The following SPSB1 variants were observed in gnomAD, a reference collection of about 807,000 sequenced individuals.
SPSB1 encodes splA/ryanodine receptor domain and SOCS box containing 1, also known as SPRY domain-containing SOCS box protein 1.
SPSB1 carries 8 observed loss-of-function variants against 21.2 expected under a neutral mutation model. The observed-to-expected ratio is 0.38, with a 90% CI of 0.22 to 0.68. SPSB1 has a LOEUF of 0.68. Among genes scored for constraint, SPSB1 ranks in the 30% least tolerant of loss-of-function variants. SPSB1 has a pLI of 0.53. For missense variants in SPSB1, 242 were observed against 377.8 expected (o/e 0.64, Z 2.98); for synonymous variants, 169 against 161.7 (o/e 1.05, Z -0.34).
At chr1:9,334,333 G>A (rs1431828082) in intron 1 of SPSB1, among the ~76,000 whole-genome samples, 12 of 152,086 alleles carry the variant, frequency 7.9e-5, no homozygotes, top group Admixed American at 4.6e-4. Context: ...TGATCCGCCC[G>A]CCTCAACCTG....
At chr1:9,342,256 G>A (rs989613306) in intron 1 of SPSB1, among the ~76,000 whole-genome samples, 3 of 152,220 alleles carry the variant, frequency 2.0e-5, no homozygotes, top group Non-Finnish European at 4.4e-5. Context: ...CACCTGGGCT[G>A]TGCCAGGCCT....
In SPSB1 at chr1:9,367,820, C is replaced by T; in HGVS notation, c.*245C>T. 1 of 555,670 alleles carries T rather than the reference C, an allele frequency of 1.8e-6. No homozygotes were observed. The highest frequency in any genetic ancestry group is 2.3e-5 in the South Asian group (1 of 43,036). 34.4% of individuals were successfully genotyped at this position (555,670 alleles called of 1,614,324 possible). ...CCCTGCATGCCGTCCGTATACAACC[C>T]CTCTTTGAAAAAAGACACAGAGAAT... On this transcript the variant is annotated 3_prime_UTR_variant, in exon 3 of 3. Coordinates refer to ENST00000328089, the MANE Select transcript of SPSB1 (RefSeq NM_025106.4). This position sits in a 1 kb window ranked among gnomAD's most constrained non-coding sequence, Gnocchi z 5.9.
Position 9,356,443 on chromosome 1 carries a change from C to A in SPSB1, c.552C>A (p.Asp184Glu), listed in dbSNP as rs548275117. 1.2e-6 allele frequency: 2 copies of A among 1,614,076 alleles called. No homozygotes were observed. Among genetic ancestry groups the A allele is most frequent in the Non-Finnish European group, 1.7e-6 (2 of 1,180,044 alleles). ...CCTTCCTGGTAGCCCTGGACATGGA[C>A]GACGGGACTCTGAGCTTCATTGTGG... Reference protein sequence around the residue: ...PDSFLVALDMDDGTLSFIVDG... With the variant: ...PDSFLVALDMEDGTLSFIVDG... The change falls in exon 2 of 3, where the codon GAC becomes GAA. Residue 184 changes from aspartate (D) to glutamate (E), a missense_variant. Transcript: ENST00000328089. This position sits in a 1 kb window ranked among gnomAD's most constrained non-coding sequence, Gnocchi z 7.4.
intron 1 of SPSB1, among the ~76,000 whole-genome samples, chr1:9,353,958 GGGAGGGCGA>G (rs1640318716): frequency 6.6e-6 from 1 of 152,006 alleles, no homozygotes; most frequent in Non-Finnish European, 1.5e-5. Flanking sequence ...CATCAGAAAG[GGGAGGGCGA>G]GAAGCATGAC....
At chr1:9,359,855 T>C (rs879827409) in intron 2 of SPSB1, among the ~76,000 whole-genome samples, 3 of 23,180 alleles carry the variant, frequency 1.3e-4, no homozygotes, top group African/African-American at 1.5e-4. Flanking sequence ...GCCGGGGGGG[T>C]GGGTGGCGGG....
chr1:9,339,357 C>T (rs1263912244), intron 1 of SPSB1: 2 of 943,146 alleles, frequency 2.1e-6, no homozygotes, highest in African/African-American at 3.6e-5. Flanking sequence ...GGACTTAGGG[C>T]TGTGACTCAC....
At chr1:9,343,912 A>G (rs1031307929) in intron 1 of SPSB1, among the ~76,000 whole-genome samples, 1 of 152,016 alleles carries the variant, frequency 6.6e-6, no homozygotes, top group African/African-American at 2.4e-5. Flanking sequence ...CAGCCTCCCA[A>G]GTAGCTGGGA....
rs1352058643 is a variant in SPSB1, at chr1:9,345,137, A to G, written c.-149-10606A>G. 2.0e-5 allele frequency among the ~76,000 whole-genome samples: 3 copies of G among 152,132 alleles called. No homozygotes were observed. The highest frequency in any genetic ancestry group is 7.2e-5 in the African/African-American group (3 of 41,426). Reference sequence around the variant, plus strand: ...GGCTGGAGCGAGGCCCTTCCAGAGAACCAGCTTCTCTGCAGAGCCTCCTCC... The same window carrying G: ...GGCTGGAGCGAGGCCCTTCCAGAGAGCCAGCTTCTCTGCAGAGCCTCCTCC... On this transcript the variant is annotated intron_variant, in intron 1 of 2. Transcript: ENST00000328089. This position sits in a 1 kb window ranked among gnomAD's most constrained non-coding sequence, Gnocchi z 4.8.
At position 9,346,103 on chromosome 1, in the gene SPSB1, C is replaced by T. The variant is rs990403930; in HGVS notation, c.-149-9640C>T. On this transcript the variant is annotated intron_variant, in intron 1 of 2. Transcript: ENST00000328089. This position sits in a 1 kb window ranked among gnomAD's most constrained non-coding sequence, Gnocchi z 4.4. ...GAGCCCAGGCAGCGGCTGAGCCAGG[C>T]TGCAGAGATTGATTCTGATAAAATA... Among the ~76,000 whole-genome samples the T allele has an allele frequency of 6.6e-6, 1 of 152,216 alleles. No homozygotes were observed. The highest frequency in any genetic ancestry group is 1.5e-5 in the Non-Finnish European group (1 of 68,044).
chr1:9,340,979 G>A (rs947539315), intron 1 of SPSB1, among the ~76,000 whole-genome samples: 5 of 152,146 alleles, frequency 3.3e-5, no homozygotes, highest in Admixed American at 6.5e-5. Context: ...CCAACACTGG[G>A]CTGACTCTGC....
chr1:9,321,566 T>A lies in SPSB1; in HGVS notation c.-150+28495T>A, dbSNP rs1339028276. ...GGGAAGAGGGTGTTTGAGAGACTGATGAGTCAGTGAGGGAGACCGATGCAT... is the reference window on the plus strand; with the variant it reads ...GGGAAGAGGGTGTTTGAGAGACTGAAGAGTCAGTGAGGGAGACCGATGCAT... On this transcript the variant is annotated intron_variant, in intron 1 of 2. Transcript: ENST00000328089. The surrounding 1 kb of genome is among the most constrained non-coding windows in gnomAD (Gnocchi z 4.8). Among the ~76,000 whole-genome samples the A allele has an allele frequency of 1.3e-5, 2 of 152,046 alleles. No individual in the cohort carries two copies. The highest frequency in any genetic ancestry group is 3.8e-4 in the East Asian group (2 of 5,202).
At chr1:9,319,009 C>T (rs1350497526) in intron 1 of SPSB1, among the ~76,000 whole-genome samples, 1 of 148,658 alleles carries the variant, frequency 6.7e-6, no homozygotes, top group Non-Finnish European at 1.5e-5. Flanking sequence ...AAACCTGTCT[C>T]TACTAAAAAT....
At chr1:9,309,261 GGAGAGAGA>G (rs139194880) in intron 1 of SPSB1, among the ~76,000 whole-genome samples, 2 of 147,168 alleles carry the variant, frequency 1.4e-5, no homozygotes, top group Admixed American at 6.8e-5. Flanking sequence ...GCTCCCCTGC[GGAGAGAGA>G]GAGAGAGAGA....
At chr1:9,314,157 C>T (rs537526019) in intron 1 of SPSB1, among the ~76,000 whole-genome samples, 1 of 143,308 alleles carries the variant, frequency 7.0e-6, no homozygotes, top group South Asian at 2.2e-4. Flanking sequence ...GCCTGGGCAA[C>T]AGATTGAGAC....
At chr1:9,319,730 C>T (rs1443777717) in intron 1 of SPSB1, among the ~76,000 whole-genome samples, 3 of 152,174 alleles carry the variant, frequency 2.0e-5, no homozygotes, top group Admixed American at 6.5e-5. Context: ...CCCAAAGGTC[C>T]GCTGTAGTGA....
chr1:9,323,845 T>G (rs1639766933), intron 1 of SPSB1, among the ~76,000 whole-genome samples: 1 of 152,226 alleles, frequency 6.6e-6, no homozygotes, highest in Non-Finnish European at 1.5e-5. Context: ...CGGCAGGGGC[T>G]GTGCCATGTG....
At chr1:9,347,802 C>T (rs375015240) in intron 1 of SPSB1, among the ~76,000 whole-genome samples, 70 of 152,144 alleles carry the variant, frequency 4.6e-4, no homozygotes, top group African/African-American at 1.6e-3. Flanking sequence ...GATTGCTGGG[C>T]GTTTTGCACA....
At chr1:9,329,138 T>C (rs750864923) in intron 1 of SPSB1, among the ~76,000 whole-genome samples, 4 of 151,996 alleles carry the variant, frequency 2.6e-5, no homozygotes, top group Non-Finnish European at 5.9e-5. Context: ...AGGGGGAGAA[T>C]TGAAGACACC....
intron 1 of SPSB1, among the ~76,000 whole-genome samples, chr1:9,330,177 GA>G (rs1557455006): frequency 6.6e-6 from 1 of 152,186 alleles, no homozygotes; most frequent in Admixed American, 6.5e-5. Context: ...TACACATAAA[GA>G]TGTACCAGGC....
Sources: gnomAD v4.1 joint callset for allele counts (sites outside exome capture counted in the v4.1 genomes callset) on GRCh38, gnomAD v4.1.1 for gene constraint, Gnocchi (gnomAD v3.1) non-coding constraint, MANE v1.5 for transcripts, NCBI Gene and HGNC (gene_info 2026-07-23, HGNC 2026-07-21) for gene names.